The following SEMA6A variants were observed in gnomAD, a reference collection of about 807,000 sequenced individuals.
SEMA6A encodes the protein semaphorin-6A.
Under a neutral mutation model 96.8 loss-of-function variants are expected in SEMA6A, and 25 were observed. That is an observed-to-expected ratio of 0.26 (90% CI 0.19 to 0.36). The LOEUF (loss-of-function observed/expected upper bound fraction) is 0.36. Ranked by LOEUF, SEMA6A falls within the 10% of genes least tolerant of loss-of-function variation. SEMA6A has a pLI of 1.00. For synonymous variants in SEMA6A, 612 were observed against 518.0 expected, an observed-to-expected ratio of 1.18 and a Z score of -2.46; for missense variants, 1,363 against 1,323.1, an observed-to-expected ratio of 1.03 and a Z score of -0.47.
At chr5:116,509,598 C>G (rs1366943728) in intron 1 of SEMA6A, among the ~76,000 whole-genome samples, 4 of 102,514 alleles carry the variant, frequency 3.9e-5, no homozygotes, top group Non-Finnish European at 7.5e-5. Context: ...AAGGGTGTCT[C>G]TGTGTGTGTG....
chr5:116,518,266 T>G (rs1006937092), intron 1 of SEMA6A, among the ~76,000 whole-genome samples: 1 of 152,138 alleles, frequency 6.6e-6, no homozygotes, highest in East Asian at 1.9e-4. Context: ...AAGTGGACAC[T>G]GGGCGTCAGA....
chr5:116,543,251 G>C (rs1189252629), intron 1 of SEMA6A, among the ~76,000 whole-genome samples: 1 of 152,006 alleles, frequency 6.6e-6, no homozygotes, highest in African/African-American at 2.4e-5. Flanking sequence ...AAGGCGCTTG[G>C]GTCCAGTAAA....
In SEMA6A at chr5:116,488,896, C is replaced by G. The variant is rs763716485; in HGVS notation, c.647G>C (p.Trp216Ser). ...TLRTVKHDSK[W>S]LKEPYFVQAV... is the part of the protein sequence containing the mutation. ...TTTAATTGTTTGTTCACCTTTCAACCATTTTGAATCGTGCTTGACGGTCCG... is the reference window on the plus strand; with the variant it reads ...TTTAATTGTTTGTTCACCTTTCAACGATTTTGAATCGTGCTTGACGGTCCG... The change falls in exon 8 of 19, where the codon TGG becomes TCG. Residue 216 changes from tryptophan to serine, a missense_variant. Trp to Ser is a radical substitution (Grantham distance 177). Transcript: ENST00000343348. The G allele has an allele frequency of 3.2e-6, 5 of 1,571,700 alleles. No homozygotes were observed. The highest frequency in any genetic ancestry group is 4.3e-6 in the Non-Finnish European group (5 of 1,157,154).
At chr5:116,478,183 T>C in intron 13 of SEMA6A, 29 bp from the exon 14 acceptor site, 3 of 1,609,426 alleles carry the variant, frequency 1.9e-6, no homozygotes, top group South Asian at 1.1e-5. Context: ...ATAATATCAT[T>C]AATAGACTCT....
chr5:116,559,095 C>T (rs535720271), intron 1 of SEMA6A, among the ~76,000 whole-genome samples: 6 of 152,270 alleles, frequency 3.9e-5, no homozygotes, highest in East Asian at 1.9e-4. Context: ...AATGTGCTTC[C>T]GTCTTCCTCC....
chr5:116,506,395 A>C (rs1758147720), intron 1 of SEMA6A, among the ~76,000 whole-genome samples: 1 of 152,226 alleles, frequency 6.6e-6, no homozygotes, highest in Admixed American at 6.5e-5. Flanking sequence ...GTGTACATTA[A>C]AATTAAACTT....
intron 18 of SEMA6A, among the ~76,000 whole-genome samples, chr5:116,448,755 CAAAAAA>C (rs3984966): frequency 9.4e-6 from 1 of 106,544 alleles, no homozygotes; most frequent in East Asian, 2.8e-4. Flanking sequence ...CATCACCTCT[CAAAAAA>C]AAAAAAAAAA....
rs533390180 is a variant in SEMA6A, at chr5:116,484,357, G to A, written c.963-1782C>T. On this transcript the variant is annotated intron_variant, in intron 10 of 18. Transcript: ENST00000343348. Reference sequence around the variant, plus strand: ...CTCCTTCCTTACATTTCTCTCCTTCGTTCCTTTCTTTCCTTTCAATTTTCC... The same window carrying A: ...CTCCTTCCTTACATTTCTCTCCTTCATTCCTTTCTTTCCTTTCAATTTTCC... 3.9e-5 allele frequency among the ~76,000 whole-genome samples: 6 copies of A among 151,948 alleles called. No homozygotes were observed. The East Asian group carries it at 7.7e-4, about 20-fold the overall frequency.
At chr5:116,520,233 G>A (rs1758868261) in intron 1 of SEMA6A, among the ~76,000 whole-genome samples, 1 of 148,994 alleles carries the variant, frequency 6.7e-6, no homozygotes, top group Admixed American at 6.7e-5. Context: ...GGCCTTCCCT[G>A]AGCCCCCAAA....
At chr5:116,484,457 A>G (rs1353068940) in intron 10 of SEMA6A, among the ~76,000 whole-genome samples, 2 of 152,064 alleles carry the variant, frequency 1.3e-5, no homozygotes, top group Admixed American at 6.6e-5. Flanking sequence ...GTGCACCACA[A>G]ACAACATAGG....
chr5:116,503,180 T>C (rs1197146358), intron 2 of SEMA6A, among the ~76,000 whole-genome samples: 1 of 152,146 alleles, frequency 6.6e-6, no homozygotes, highest in Non-Finnish European at 1.5e-5. Context: ...GAAAGAAAGA[T>C]GAGCCACATT....
chr5:116,445,347 C>A lies in SEMA6A; in HGVS notation c.*1266G>T. Reference sequence around the variant, plus strand: ...GAAAACAGGCTATTCACAGATGTAACCCCACGAAGAACCCGTGTGATCAAA... The same window carrying A: ...GAAAACAGGCTATTCACAGATGTAAACCCACGAAGAACCCGTGTGATCAAA... On this transcript the variant is annotated 3_prime_UTR_variant, in exon 19 of 19. Coordinates refer to ENST00000343348, the MANE Select transcript of SEMA6A (RefSeq NM_020796.5). 1 of 152,606 alleles carries A rather than the reference C, an allele frequency of 6.6e-6. No homozygotes were observed. The highest frequency in any genetic ancestry group is 1.9e-4 in the East Asian group (1 of 5,194). 9.5% of individuals were successfully genotyped at this position (152,606 alleles called of 1,614,324 possible). A position where few individuals can be genotyped will look rare whatever the true frequency, so the allele number is the denominator to read the frequency against.
chr5:116,538,892 T>G (rs1759840340), intron 1 of SEMA6A, among the ~76,000 whole-genome samples: 1 of 152,248 alleles, frequency 6.6e-6, no homozygotes, highest in East Asian at 1.9e-4. Flanking sequence ...TCCTATGTAT[T>G]TTCTAGAGTT....
At chr5:116,540,133 A>G (rs1409886474) in intron 1 of SEMA6A, among the ~76,000 whole-genome samples, 1 of 152,182 alleles carries the variant, frequency 6.6e-6, no homozygotes, top group Non-Finnish European at 1.5e-5. Context: ...GCTCAGTCTG[A>G]TATTTTTTCC....
chr5:116,528,515 C>T (rs1161979066), intron 1 of SEMA6A, among the ~76,000 whole-genome samples: 1 of 152,146 alleles, frequency 6.6e-6, no homozygotes, highest in Non-Finnish European at 1.5e-5. Flanking sequence ...ACTAGGCGCT[C>T]AAATATCCAC....
intron 6 of SEMA6A, among the ~76,000 whole-genome samples, chr5:116,493,439 A>T (rs1203434615): frequency 6.6e-6 from 1 of 152,182 alleles, no homozygotes; most frequent in African/African-American, 2.4e-5. Flanking sequence ...TCTTGTCTTT[A>T]TACTTAAAAA....
intron 18 of SEMA6A, among the ~76,000 whole-genome samples, chr5:116,459,789 G>C (rs1204785154): frequency 1.3e-5 from 2 of 152,048 alleles, no homozygotes; most frequent in Non-Finnish European, 2.9e-5. Flanking sequence ...CCAGCATTTA[G>C]ATCACCTTTG....
chr5:116,454,665 C>T (rs1754881185), intron 18 of SEMA6A, among the ~76,000 whole-genome samples: 1 of 152,166 alleles, frequency 6.6e-6, no homozygotes, highest in Admixed American at 6.5e-5. Context: ...GTTATCTGGG[C>T]AGGAAGCAGC....
At chr5:116,510,010 A>G (rs1758334193) in intron 1 of SEMA6A, among the ~76,000 whole-genome samples, 1 of 152,090 alleles carries the variant, frequency 6.6e-6, no homozygotes, top group Admixed American at 6.5e-5. Context: ...CAGCGTGTCA[A>G]TGTGTGGTAC....
Sources: allele counts gnomAD v4.1 joint callset (sites outside exome capture counted in the v4.1 genomes callset), GRCh38; gene constraint gnomAD v4.1.1; transcripts MANE v1.5; gene names NCBI Gene and HGNC (gene_info 2026-07-23, HGNC 2026-07-21).